The following ASXL3 variants were observed in gnomAD, a reference collection of about 807,000 sequenced individuals.
ASXL3 encodes putative Polycomb group protein ASXL3.
ASXL3 carries 34 observed loss-of-function variants against 170.6 expected under a neutral mutation model. That is an observed-to-expected ratio of 0.20 (90% CI 0.15 to 0.27). The LOEUF is 0.27. ASXL3 is among the 10% of genes least tolerant of loss of function. The pLI is 1.00. For missense variants in ASXL3, 2,592 were observed against 2,695.3 expected, an observed-to-expected ratio of 0.96 and a Z score of 0.85; for synonymous variants, 1,002 against 989.1, an observed-to-expected ratio of 1.01 and a Z score of -0.24.
At chr18:33,735,243 C>T (rs2067524281) in intron 10 of ASXL3, among the ~76,000 whole-genome samples, 1 of 152,148 alleles carries the variant, frequency 6.6e-6, no homozygotes, top group Admixed American at 6.5e-5. Flanking sequence ...CAAAATTACA[C>T]TTGTAAATGG....
intron 5 of ASXL3, among the ~76,000 whole-genome samples, chr18:33,669,890 G>A (rs954083286): frequency 6.6e-6 from 1 of 152,106 alleles, no homozygotes; most frequent in Non-Finnish European, 1.5e-5. Context: ...TGTATAAAGT[G>A]ATCAGCTAGA....
chr18:33,695,675 A>C (rs916397814), intron 8 of ASXL3, among the ~76,000 whole-genome samples: 6 of 152,172 alleles, frequency 3.9e-5, no homozygotes, highest in Non-Finnish European at 8.8e-5. Context: ...TAGTCTATGC[A>C]TAAGGCAGTT....
At chr18:33,711,897 C>G (rs2067071252) in intron 8 of ASXL3, among the ~76,000 whole-genome samples, 1 of 152,124 alleles carries the variant, frequency 6.6e-6, no homozygotes, top group African/African-American at 2.4e-5. Context: ...TTAGACATTC[C>G]TGCAGTTGCT....
At chr18:33,605,109 A>G (rs2065230142) in intron 1 of ASXL3, among the ~76,000 whole-genome samples, 2 of 152,022 alleles carry the variant, frequency 1.3e-5, no homozygotes, top group African/African-American at 4.8e-5. Context: ...AAACATCCAA[A>G]ATGTAAGCAA....
intron 8 of ASXL3, among the ~76,000 whole-genome samples, chr18:33,690,595 A>G (rs1386731094): frequency 4.6e-5 from 7 of 152,182 alleles, no homozygotes; most frequent in African/African-American, 1.4e-4. Flanking sequence ...GATACCTCCA[A>G]TCCTAATCTA....
intron 9 of ASXL3, among the ~76,000 whole-genome samples, chr18:33,733,900 T>G (rs1381022929): frequency 6.6e-6 from 1 of 152,188 alleles, no homozygotes; most frequent in Non-Finnish European, 1.5e-5. Context: ...CTTTACTTTC[T>G]ATATTTCACT....
intron 4 of ASXL3, among the ~76,000 whole-genome samples, chr18:33,648,561 A>G (rs1295660758): frequency 6.6e-6 from 1 of 152,114 alleles, no homozygotes; most frequent in Non-Finnish European, 1.5e-5. Flanking sequence ...GACATGTTAA[A>G]TAACTGATTT....
At position 33,675,800 on chromosome 18, in the gene ASXL3, AC is replaced by A. The variant is rs151080800; in HGVS notation, c.715+3939del. Among the ~76,000 whole-genome samples, 151 of 152,114 alleles carry A rather than the reference AC, an allele frequency of 9.9e-4. 4 individuals carry two copies. The East Asian group carries it at 0.026, about 26-fold the overall frequency. On this transcript the variant is annotated intron_variant, in intron 7 of 11. Transcript: ENST00000269197. ...CTCTTCAGTACAGGAGGCACCATGG[AC>A]CCCCTCAGACCCTTTCATGCTCAGC... is the stretch of plus-strand genomic sequence containing the variant.
intron 1 of ASXL3, among the ~76,000 whole-genome samples, chr18:33,588,014 T>C (rs2065048109): frequency 6.7e-6 from 1 of 148,236 alleles, no homozygotes; most frequent in South Asian, 2.1e-4. Context: ...TTTAATAGTC[T>C]GTCTTAATGT....
chr18:33,686,619 A>G (rs2066601488), intron 8 of ASXL3, among the ~76,000 whole-genome samples: 1 of 152,194 alleles, frequency 6.6e-6, no homozygotes, highest in Non-Finnish European at 1.5e-5. Flanking sequence ...TATATGTTCC[A>G]GAAGACTTAA....
rs529550397 is a variant in ASXL3 at position 33,696,109 on chromosome 18, G to A, written c.879+12541G>A. On this transcript the variant is annotated intron_variant, in intron 8 of 11. Transcript: ENST00000269197. ...TCACCACTGACCATTATGAACAGGTGTCATACAGTGAGTCTCCCCTAAATT... is the reference window on the plus strand; with the variant it reads ...TCACCACTGACCATTATGAACAGGTATCATACAGTGAGTCTCCCCTAAATT... Among the ~76,000 whole-genome samples, 458 of 152,116 alleles carry A rather than the reference G, an allele frequency of 3.0e-3. 2 individuals are homozygous for A. The highest frequency in any genetic ancestry group is 0.011 in the African/African-American group (437 of 41,512).
At chr18:33,732,740 C>T (rs2067472504) in intron 9 of ASXL3, among the ~76,000 whole-genome samples, 1 of 151,780 alleles carries the variant, frequency 6.6e-6, no homozygotes, top group Admixed American at 6.6e-5. Context: ...CTATAGTCTT[C>T]AGCAACTAGG....
chr18:33,607,579 A>G lies in ASXL3; in HGVS notation c.55-15A>G. 1 of 1,551,934 alleles carries G rather than the reference A, an allele frequency of 6.4e-7. No homozygotes were observed. On this transcript the variant is annotated splice_polypyrimidine_tract_variant and intron_variant, in intron 1 of 11. Transcript: ENST00000269197. ...TGCCATGCAATAATCTAGGAATCTT[A>G]TGTTTATATTTTAGGCACTAGAAAA...
rs2067753783 is a variant in ASXL3, at chr18:33,745,082, C to T, written c.5234C>T (p.Ala1745Val). The change falls in exon 12 of 12, where the codon GCT (alanine) becomes GTT (valine). Residue 1745 changes from alanine (A) to valine (V), a missense_variant. By Grantham distance (64) the Ala-to-Val change is moderately conservative (BLOSUM62 0). Around this residue, in one of 4 missense-constraint regions of ASXL3, gnomAD observed 2,246 missense variants for 2,219.6 expected, o/e 1.01. Coordinates refer to ENST00000269197, the MANE Select transcript of ASXL3 (RefSeq NM_030632.3). ...GGCTGTCGTCTGTCCTCTGTGGAGG[C>T]TAACAATCCGCTGGTGACGCAGTTA... ...SSGCRLSSVE[A>V]NNPLVTQLLQ... 2.5e-6 allele frequency: 4 copies of T among 1,613,998 alleles called. No individual in the cohort carries two copies. The highest frequency in any genetic ancestry group is 1.3e-5 in the African/African-American group (1 of 75,066).
chr18:33,722,793 AGAG>A (rs1378017851), intron 8 of ASXL3, among the ~76,000 whole-genome samples: 1 of 152,158 alleles, frequency 6.6e-6, no homozygotes, highest in Non-Finnish European at 1.5e-5. Flanking sequence ...TTATAGCTAG[AGAG>A]GAGAAGTCAA....
intron 1 of ASXL3, among the ~76,000 whole-genome samples, chr18:33,588,378 G>A (rs2145094711): frequency 6.7e-6 from 1 of 149,268 alleles, no homozygotes; most frequent in South Asian, 2.1e-4. Context: ...TTTTTTGGAG[G>A]TCATAAAGTA....
At chr18:33,712,420 A>G (rs1328403334) in intron 8 of ASXL3, among the ~76,000 whole-genome samples, 1 of 152,180 alleles carries the variant, frequency 6.6e-6, no homozygotes, top group Admixed American at 6.5e-5. Context: ...GCAGGCCTGA[A>G]AATAAAGATG....
At chr18:33,592,330 A>G (rs1206828822) in intron 1 of ASXL3, among the ~76,000 whole-genome samples, 1 of 152,242 alleles carries the variant, frequency 6.6e-6, no homozygotes, top group African/African-American at 2.4e-5. Context: ...TCTGTCTTTA[A>G]TACATGAGCA....
rs1599582536 is a variant in ASXL3 at position 33,748,133 on chromosome 18, A to C, written c.*1538A>C. Reference sequence around the variant, plus strand: ...AAAAGCAAACATGGGGGGGGTGGGGAATCATCTGTATCCAGGGTAAGAATG... The same window carrying C: ...AAAAGCAAACATGGGGGGGGTGGGGCATCATCTGTATCCAGGGTAAGAATG... On this transcript the variant is annotated 3_prime_UTR_variant, in exon 12 of 12. Coordinates refer to ENST00000269197, the MANE Select transcript of ASXL3 (RefSeq NM_030632.3). 1 of 152,094 alleles carries C rather than the reference A, an allele frequency of 6.6e-6. No individual in the cohort carries two copies. Among genetic ancestry groups the C allele is most frequent in the Non-Finnish European group, 1.5e-5 (1 of 68,028 alleles). The allele number at this position is 152,094 out of a possible 1,614,324, so 9.4% of individuals were successfully genotyped here. A position where few individuals can be genotyped will look rare whatever the true frequency, so the allele number is the denominator to read the frequency against.
Sources: allele counts gnomAD v4.1 joint callset (sites outside exome capture counted in the v4.1 genomes callset), GRCh38; gene constraint gnomAD v4.1.1; regional missense constraint gnomAD v4.1.1; transcripts MANE v1.5; gene names NCBI Gene and HGNC (gene_info 2026-07-23, HGNC 2026-07-21).